The following EPCAM variants were observed in gnomAD, a reference collection of about 807,000 sequenced individuals.
EPCAM encodes the protein adenocarcinoma-associated antigen.
A neutral mutation model predicts 40.0 loss-of-function variants in EPCAM; 39 were observed. That is an observed-to-expected ratio of 0.98 (90% CI 0.76 to 1.27). EPCAM has a LOEUF of 1.27. Among genes scored for constraint, EPCAM ranks in the 50% most tolerant of loss-of-function variants. The pLI is 0.00. For synonymous variants in EPCAM, 168 were observed against 132.3 expected (o/e 1.27, Z -1.85); for missense variants, 503 against 381.2 (o/e 1.32, Z -2.66).
intron 1 of EPCAM, 51 bp from the exon 2 acceptor site, chr2:47,373,412 G>A (rs1558434917): frequency 2.7e-6 from 3 of 1,119,890 alleles, no homozygotes; most frequent in African/African-American, 1.5e-5. Context: ...GCTGGGACAT[G>A]AGAGTTAATA....
chr2:47,380,027 T>C (rs1671542646), intron 7 of EPCAM, 58 bp downstream of exon 7: 12 of 1,555,030 alleles, frequency 7.7e-6, no homozygotes, highest in East Asian at 2.4e-5. Context: ...GAAAAAGTAA[T>C]AGTGGCTGGG....
intron 4 of EPCAM, among the ~76,000 whole-genome samples, chr2:47,375,712 T>C (rs1368420534): frequency 1.3e-5 from 2 of 151,748 alleles, no homozygotes; most frequent in Admixed American, 1.3e-4. Context: ...GAAAAATTTT[T>C]TTTTTTTTTT....
At chr2:47,375,521 G>T (rs1178345030) in intron 4 of EPCAM, among the ~76,000 whole-genome samples, 1 of 152,078 alleles carries the variant, frequency 6.6e-6, no homozygotes, top group Non-Finnish European at 1.5e-5. Context: ...TGTATGTGTG[G>T]ATGAATATGT....
At chr2:47,379,151 TCAAC>T in intron 6 of EPCAM, 97 bp downstream of exon 6, 1 of 769,942 alleles carries the variant, frequency 1.3e-6, no homozygotes, top group Non-Finnish European at 2.3e-6. Flanking sequence ...CACTTACAGA[TCAAC>T]CAAATGGTTC....
At chr2:47,372,955 C>G (rs945731523) in intron 1 of EPCAM, among the ~76,000 whole-genome samples, 2 of 151,930 alleles carry the variant, frequency 1.3e-5, no homozygotes, top group Admixed American at 6.6e-5. Context: ...CCTGTAATCC[C>G]AGCACTTTGG....
chr2:47,371,092 G>A (rs1279675198), intron 1 of EPCAM, among the ~76,000 whole-genome samples: 2 of 152,146 alleles, frequency 1.3e-5, no homozygotes, highest in African/African-American at 2.4e-5. Context: ...TGATCACTCC[G>A]TCTGGGCCTC....
chr2:47,373,353 A>T (rs1671330893), intron 1 of EPCAM, 110 bp from the exon 2 acceptor site: 1 of 742,072 alleles, frequency 1.3e-6, no homozygotes, highest in Non-Finnish European at 2.3e-6. Context: ...CCACTTTTTA[A>T]GGTTTTGTGT....
chr2:47,375,190 A>T (rs1426987096), intron 3 of EPCAM, 44 bp from the exon 4 acceptor site: 1 of 1,395,966 alleles, frequency 7.2e-7, no homozygotes, highest in Admixed American at 1.7e-5. Flanking sequence ...AATAGTATGG[A>T]AGACTGAGTT....
In EPCAM at chr2:47,370,872, C is replaced by T. The variant is rs747032757; in HGVS notation, c.76+1291C>T. On this transcript the variant is annotated intron_variant, in intron 1 of 8. Coordinates refer to ENST00000263735, the MANE Select transcript of EPCAM (RefSeq NM_002354.3). ...CTGGGACTACAGGCATGCACCACCACGGTCAGCTAATTTGTATTTTTTGTA... is the reference window on the plus strand; with the variant it reads ...CTGGGACTACAGGCATGCACCACCATGGTCAGCTAATTTGTATTTTTTGTA... Among the ~76,000 whole-genome samples the T allele has an allele frequency of 2.4e-4, 36 of 152,076 alleles. 1 individual carries two copies. The highest frequency in any genetic ancestry group is 4.7e-4 in the Non-Finnish European group (32 of 68,016).
At chr2:47,373,649 G>C (rs1329592252) in intron 2 of EPCAM, 79 bp downstream of exon 2, 1 of 1,432,036 alleles carries the variant, frequency 7.0e-7, no homozygotes, top group African/African-American at 1.4e-5. Context: ...GAGTTGGAAA[G>C]AGTTTTATTG....
At chr2:47,378,098 GTGGGCACCTGTAGTCCCAGCTACT>G (rs1558437543) in intron 5 of EPCAM, among the ~76,000 whole-genome samples, 1 of 151,920 alleles carries the variant, frequency 6.6e-6, no homozygotes, top group African/African-American at 2.4e-5. Context: ...GAATGTGGTG[GTGGGCACCTGTAGTCCCAGCTACT>G]CGGGAGGCTT....
At chr2:47,374,738 G>T (rs1251473533) in intron 3 of EPCAM, among the ~76,000 whole-genome samples, 1 of 151,848 alleles carries the variant, frequency 6.6e-6, no homozygotes, top group African/African-American at 2.4e-5. Flanking sequence ...CTGCCTCCCG[G>T]GTTCAAGCAA....
At chr2:47,374,993 T>A (rs1206246082) in intron 3 of EPCAM, among the ~76,000 whole-genome samples, 1 of 152,220 alleles carries the variant, frequency 6.6e-6, no homozygotes, top group Non-Finnish European at 1.5e-5. Flanking sequence ...CAGCTAAACT[T>A]TGACTTAATG....
intron 1 of EPCAM, 142 bp downstream of exon 1, chr2:47,369,723 C>T (rs757917638): frequency 6.6e-6 from 6 of 905,546 alleles, no homozygotes; most frequent in African/African-American, 6.6e-5. Context: ...ACGGTGCGGC[C>T]GTGCTCCGGC....
At chr2:47,385,297 A>G (rs1476339650) in intron 8 of EPCAM, 87 bp downstream of exon 8, 3 of 1,080,490 alleles carry the variant, frequency 2.8e-6, no homozygotes, top group South Asian at 2.5e-5. Flanking sequence ...GATGCATTTC[A>G]GTTATACTGG....
At chr2:47,381,256 C>T (rs1204931314) in intron 7 of EPCAM, among the ~76,000 whole-genome samples, 1 of 151,588 alleles carries the variant, frequency 6.6e-6, no homozygotes, top group Admixed American at 6.6e-5. Flanking sequence ...ATTATCCGGG[C>T]ATGGTGTCTC....
Position 47,370,051 on chromosome 2 carries a change from C to A in EPCAM, c.76+470C>A, listed in dbSNP as rs549135630. Among the ~76,000 whole-genome samples the A allele has an allele frequency of 4.9e-4, 74 of 152,350 alleles. 1 individual carries two copies. The East Asian group carries it at 0.013, about 26-fold the overall frequency. On this transcript the variant is annotated intron_variant, in intron 1 of 8. Coordinates refer to ENST00000263735, the MANE Select transcript of EPCAM (RefSeq NM_002354.3). ...TGTGGGCCTCAGGCGGGGACAGGCG[C>A]CCGCAGGGAGGCCTCCAGGGCCGCT...
At chr2:47,385,976 C>T (rs987522897) in intron 8 of EPCAM, among the ~76,000 whole-genome samples, 3 of 152,122 alleles carry the variant, frequency 2.0e-5, no homozygotes, top group Non-Finnish European at 4.4e-5. Context: ...CAGAGCAGTA[C>T]AGACCTGGGT....
chr2:47,369,346 G>T lies in EPCAM; in HGVS notation c.-160G>T, dbSNP rs954246217. ...AGTCCTTCGGCGAGCGAGCACCTTC[G>T]ACGCGGTCCGGGGACCCCCTCGTCG... On this transcript the variant is annotated 5_prime_UTR_variant, in exon 1 of 9. Coordinates refer to ENST00000263735, the MANE Select transcript of EPCAM (RefSeq NM_002354.3). 1.6e-6 allele frequency: 2 copies of T among 1,259,542 alleles called. No individual in the cohort carries two copies. The highest frequency in any genetic ancestry group is 4.0e-5 in the Admixed American group (1 of 25,086). 78.0% of individuals were successfully genotyped at this position (1,259,542 alleles called of 1,614,324 possible).
Sources: allele counts gnomAD v4.1 joint callset (sites outside exome capture counted in the v4.1 genomes callset), GRCh38; gene constraint gnomAD v4.1.1; transcripts MANE v1.5; gene names NCBI Gene and HGNC (gene_info 2026-07-23, HGNC 2026-07-21).